Variants in CDH10 observed in about 807,000 individuals in gnomAD.
CDH10 encodes the protein cadherin 10.
CDH10 carries 30 observed loss-of-function variants against 73.1 expected under a neutral mutation model. The observed-to-expected ratio is 0.41, with a 90% CI of 0.31 to 0.56. The LOEUF (loss-of-function observed/expected upper bound fraction) is 0.56. CDH10 is among the 20% of genes least tolerant of loss of function. The pLI, the probability that CDH10 is intolerant of heterozygous loss-of-function variation, is 0.27. For synonymous variants in CDH10, 345 were observed against 348.2 expected (o/e 0.99, Z 0.10); for missense variants, 815 against 973.7 (o/e 0.84, Z 2.17).
chr5:24,542,143 A>G (rs892108487), intron 2 of CDH10, among the ~76,000 whole-genome samples: 2 of 152,164 alleles, frequency 1.3e-5, no homozygotes, highest in Non-Finnish European at 2.9e-5. Context: ...TTATAAGTTA[A>G]AGGGGACTTA....
intron 7 of CDH10, among the ~76,000 whole-genome samples, chr5:24,508,742 C>T (rs1255091321): frequency 6.6e-6 from 1 of 151,050 alleles, no homozygotes; most frequent in Non-Finnish European, 1.5e-5. Flanking sequence ...TGGTTTCGAA[C>T]CCCTGAGCTT....
intron 9 of CDH10, among the ~76,000 whole-genome samples, chr5:24,497,138 A>C (rs3797173): frequency 0.084 from 12,723 of 152,176 alleles, 957 homozygotes; most frequent in African/African-American, 0.19. Context: ...GAAAATAGAC[A>C]GAAGGAAAAT....
In CDH10 at chr5:24,501,682, T is replaced by C. The variant is rs1362904535; in HGVS notation, c.1394-3163A>G. ...AGAAATCACAGACATTAGAAAAATATAACTGTTTTACCTGCTTTGGGTAAG... is the reference window on the plus strand; with the variant it reads ...AGAAATCACAGACATTAGAAAAATACAACTGTTTTACCTGCTTTGGGTAAG... On this transcript the variant is annotated intron_variant, in intron 8 of 11. Coordinates refer to ENST00000264463, the MANE Select transcript of CDH10 (RefSeq NM_006727.5). Among the ~76,000 whole-genome samples the C allele has an allele frequency of 2.6e-5, 4 of 152,266 alleles. No homozygotes were observed. The East Asian group carries it at 7.7e-4, about 29-fold the overall frequency.
intron 2 of CDH10, among the ~76,000 whole-genome samples, chr5:24,570,178 A>AT (rs1157951211): frequency 1.3e-5 from 2 of 152,166 alleles, no homozygotes; most frequent in African/African-American, 4.8e-5. Flanking sequence ...TTTGCATACG[A>AT]TTTTAACACC....
intron 1 of CDH10, among the ~76,000 whole-genome samples, chr5:24,603,219 G>A (rs1746630349): frequency 6.6e-6 from 1 of 152,104 alleles, no homozygotes; most frequent in South Asian, 2.1e-4. Flanking sequence ...TAGTTGTAAA[G>A]ACCATTCAAT....
At chr5:24,520,387 A>G (rs898562459) in intron 5 of CDH10, among the ~76,000 whole-genome samples, 4 of 152,212 alleles carry the variant, frequency 2.6e-5, no homozygotes, top group Non-Finnish European at 5.9e-5. Flanking sequence ...AATGATGTAC[A>G]GTGTGATACT....
chr5:24,621,156 G>A (rs921075552), intron 1 of CDH10, among the ~76,000 whole-genome samples: 6 of 152,218 alleles, frequency 3.9e-5, no homozygotes, highest in Non-Finnish European at 7.4e-5. Context: ...GTGCCTCTAA[G>A]AGCGCTCACT....
At chr5:24,498,244 C>CTTTAAAAACATCAGTTATGGTT (rs1364227989) in intron 9 of CDH10, among the ~76,000 whole-genome samples, 154 bp downstream of exon 9, 1 of 152,066 alleles carries the variant, frequency 6.6e-6, no homozygotes, top group Admixed American at 6.5e-5. Flanking sequence ...ATATTTTCAC[C>CTTTAAAAACATCAGTTATGGTT]TTTAAAAACA....
At chr5:24,504,979 T>C (rs1742652276) in intron 8 of CDH10, 133 bp downstream of exon 8, 2 of 671,404 alleles carry the variant, frequency 3.0e-6, no homozygotes, top group African/African-American at 1.8e-5. Flanking sequence ...GCTGAGAAAA[T>C]TAAAATTCAT....
intron 2 of CDH10, among the ~76,000 whole-genome samples, chr5:24,549,195 G>T (rs1238763666): frequency 1.3e-5 from 2 of 152,080 alleles, no homozygotes; most frequent in Non-Finnish European, 2.9e-5. Context: ...ATTACATAAG[G>T]TCACTGAATG....
In CDH10 at chr5:24,613,213, G is replaced by A. The variant is rs920190442; in HGVS notation, c.-123-19600C>T. On this transcript the variant is annotated intron_variant, in intron 1 of 11. Transcript: ENST00000264463. ...GGAATATGTGGAGAGTATCAGCACT[G>A]CCTGTAGCTATTTAATGTTTTGTTC... 7 of 152,018 alleles carry A rather than the reference G, an allele frequency of 4.6e-5. No individual in the cohort carries two copies. The East Asian group carries it at 7.7e-4, about 17-fold the overall frequency. The allele number at this position is 152,018 out of a possible 1,614,324, so 9.4% of individuals were successfully genotyped here. A position where few individuals can be genotyped will look rare whatever the true frequency, so the allele number is the denominator to read the frequency against.
chr5:24,491,953 T>TA (rs1742069295), intron 10 of CDH10, 126 bp from the exon 11 acceptor site: 2 of 599,016 alleles, frequency 3.3e-6, no homozygotes, highest in Non-Finnish European at 2.8e-6. Context: ...TACATTTTCC[T>TA]AAAAAACAAG....
intron 1 of CDH10, chr5:24,613,362 T>G (rs1280602305): frequency 6.6e-6 from 1 of 152,102 alleles, no homozygotes; most frequent in Non-Finnish European, 1.5e-5. Flanking sequence ...AAGACTCATT[T>G]TCATGCTTTT....
rs73067121 is a variant in CDH10 at position 24,506,516 on chromosome 5, C to T, written c.1257-1268G>A. ...TTCACTCATAAAGCAGATTTTACCA[C>T]CATCTTTCCATTTACCACATTGTGT... On this transcript the variant is annotated intron_variant, in intron 7 of 11. Transcript: ENST00000264463. Among the ~76,000 whole-genome samples the T allele has an allele frequency of 5.8e-3, 879 of 152,260 alleles. 7 individuals are homozygous for T. Among genetic ancestry groups the T allele is most frequent in the African/African-American group, 0.019 (809 of 41,554 alleles).
chr5:24,631,503 G>C (rs1003519600), intron 1 of CDH10, among the ~76,000 whole-genome samples: 2 of 151,972 alleles, frequency 1.3e-5, no homozygotes, highest in African/African-American at 4.8e-5. Context: ...AGCTCAGCCA[G>C]GTCTTTGGAT....
chr5:24,594,331 C>T (rs1449927976), intron 1 of CDH10, among the ~76,000 whole-genome samples: 1 of 151,898 alleles, frequency 6.6e-6, no homozygotes, highest in African/African-American at 2.4e-5. Flanking sequence ...CCCAGGCTGA[C>T]TATGGTAACA....
chr5:24,572,326 A>G (rs1289373325), intron 2 of CDH10, among the ~76,000 whole-genome samples: 1 of 152,116 alleles, frequency 6.6e-6, no homozygotes, highest in Non-Finnish European at 1.5e-5. Flanking sequence ...CCTTTTTAAA[A>G]CAGACTAAAG....
At chr5:24,583,535 T>A (rs190983223) in intron 2 of CDH10, among the ~76,000 whole-genome samples, 3 of 152,176 alleles carry the variant, frequency 2.0e-5, no homozygotes, top group Non-Finnish European at 4.4e-5. Flanking sequence ...GCAATCTTAG[T>A]TTTGTACTTA....
intron 1 of CDH10, among the ~76,000 whole-genome samples, chr5:24,597,162 C>T (rs1746397345): frequency 6.6e-6 from 1 of 152,028 alleles, no homozygotes; most frequent in Admixed American, 6.6e-5. Flanking sequence ...ATCCTTCAGC[C>T]ATTCTGCAAT....
Sources: allele counts gnomAD v4.1 joint callset (sites outside exome capture counted in the v4.1 genomes callset), GRCh38; gene constraint gnomAD v4.1.1; transcripts MANE v1.5; gene names NCBI Gene and HGNC (gene_info 2026-07-23, HGNC 2026-07-21).